Variants in PCNX2 observed in about 807,000 individuals in gnomAD.
PCNX2 encodes the protein pecanex 2.
PCNX2 carries 168 observed loss-of-function variants against 223.8 expected under a neutral mutation model. The observed-to-expected ratio is 0.75, with a 90% confidence interval of 0.66 to 0.85. The LOEUF (loss-of-function observed/expected upper bound fraction) is 0.85, where lower values mean the gene tolerates loss of function less well. Among genes scored for constraint, PCNX2 ranks in the 40% least tolerant of loss-of-function variants. The probability of loss-of-function intolerance (pLI) is 0.00; values close to 1 mark genes in which losing one functional copy is unlikely to be tolerated. For missense variants in PCNX2, 2,507 were observed against 2,675.5 expected, an observed-to-expected ratio of 0.94 and a Z score of 1.39; for synonymous variants, 1,006 against 1,052.6, an observed-to-expected ratio of 0.96 and a Z score of 0.86.
chr1:233,255,915 C>CATGG (rs1659710313), intron 5 of PCNX2, among the ~76,000 whole-genome samples: 1 of 152,200 alleles, frequency 6.6e-6, no homozygotes, highest in Non-Finnish European at 1.5e-5. Context: ...CTCAAAGATA[C>CATGG]ATGGCATCAC....
At chr1:233,080,664 T>A (rs773569429) in intron 23 of PCNX2, among the ~76,000 whole-genome samples, 1 of 152,046 alleles carries the variant, frequency 6.6e-6, no homozygotes, top group Non-Finnish European at 1.5e-5. Flanking sequence ...GGGTCCCTTT[T>A]ATGAGGGCAC....
chr1:233,307,014 A>G, the PCNX2 span, among the ~76,000 whole-genome samples: 3 of 152,238 alleles, frequency 2.0e-5, no homozygotes, highest in Admixed American at 1.3e-4. Context: ...AAATTTGAAG[A>G]TAAAGAATCT....
At chr1:233,263,257 T>TTAGGCAAGATTTC in intron 1 of PCNX2, 94 bp from the exon 2 acceptor site, 1 of 1,033,848 alleles carries the variant, frequency 9.7e-7, no homozygotes, top group Non-Finnish European at 1.3e-6. Context: ...CTATTGAATA[T>TTAGGCAAGATTTC]AAATTAGGCA....
chr1:233,276,570 C>T (rs189517130), intron 1 of PCNX2, among the ~76,000 whole-genome samples: 2 of 152,270 alleles, frequency 1.3e-5, no homozygotes, highest in Non-Finnish European at 2.9e-5. Flanking sequence ...GAAATATGAA[C>T]AACCAAATCA....
chr1:233,186,545 C>T (rs1334612629), intron 15 of PCNX2, among the ~76,000 whole-genome samples: 1 of 152,188 alleles, frequency 6.6e-6, no homozygotes, highest in African/African-American at 2.4e-5. Flanking sequence ...CCTGTAGCAG[C>T]TCTTGTCCAT....
intron 22 of PCNX2, among the ~76,000 whole-genome samples, chr1:233,094,635 T>A (rs888260028): frequency 3.3e-5 from 5 of 152,244 alleles, no homozygotes; most frequent in African/African-American, 1.2e-4. Flanking sequence ...TCAAGGATTA[T>A]CCTAAGTATG....
chr1:233,232,995 C>T (rs940676905), intron 9 of PCNX2: 17 of 985,200 alleles, frequency 1.7e-5, no homozygotes, highest in Non-Finnish European at 4.8e-6. Context: ...GAGACCATAT[C>T]CAGGTGAGAG....
chr1:233,285,914 T>C (rs1281829925), intron 1 of PCNX2, among the ~76,000 whole-genome samples: 2 of 152,260 alleles, frequency 1.3e-5, no homozygotes, highest in African/African-American at 4.8e-5. Context: ...CTTTGTGTCA[T>C]GATCTCCAAG....
intron 9 of PCNX2, chr1:233,233,077 A>C: frequency 4.1e-5 from 39 of 953,766 alleles, no homozygotes; most frequent in Non-Finnish European, 4.5e-5. Flanking sequence ...CCTGCCTCTC[A>C]ACCAGCAGTG....
At chr1:233,292,847 A>G (rs188871470) in intron 1 of PCNX2, among the ~76,000 whole-genome samples, 3 of 152,340 alleles carry the variant, frequency 2.0e-5, no homozygotes, top group East Asian at 3.9e-4. Context: ...AAGTAGCATA[A>G]CAGTAACTGT....
At chr1:233,318,207 G>A in the PCNX2 span, among the ~76,000 whole-genome samples, 2 of 152,098 alleles carry the variant, frequency 1.3e-5, no homozygotes, top group Non-Finnish European at 2.9e-5. Flanking sequence ...CTCTAGAAAT[G>A]GAAAGGTTTG....
rs745847122 is a variant in PCNX2, at chr1:233,177,796, T to C, written c.3273+6A>G. 7.3e-5 allele frequency: 117 copies of C among 1,608,824 alleles called. No individual in the cohort carries two copies. The highest frequency in any genetic ancestry group is 9.9e-5 in the Non-Finnish European group (116 of 1,175,372). ...TATGCTACATTACACAACGCAAATGTCTCACCACTGAATCTTTCATCTTCT... is the reference window on the plus strand; with the variant it reads ...TATGCTACATTACACAACGCAAATGCCTCACCACTGAATCTTTCATCTTCT... On this transcript the variant is annotated splice_donor_region_variant and intron_variant, in intron 17 of 33. Transcript: ENST00000258229.
At chr1:233,153,134 A>C (rs1677917379) in intron 19 of PCNX2, among the ~76,000 whole-genome samples, 1 of 152,218 alleles carries the variant, frequency 6.6e-6, no homozygotes, top group South Asian at 2.1e-4. Flanking sequence ...CTGGAAGACA[A>C]TGGAATAACG....
intron 1 of PCNX2, 52 bp from the exon 2 acceptor site, chr1:233,263,215 C>T: frequency 1.4e-6 from 2 of 1,433,076 alleles, no homozygotes; most frequent in Non-Finnish European, 1.9e-6. Flanking sequence ...GATTTTCTTT[C>T]TGTTTTAAAT....
intron 25 of PCNX2, among the ~76,000 whole-genome samples, chr1:233,030,240 G>A (rs1671218124): frequency 6.6e-6 from 1 of 151,928 alleles, no homozygotes; most frequent in African/African-American, 2.4e-5. Flanking sequence ...TTCAGACATT[G>A]TATTTTTTTC....
chr1:233,174,833 T>G (rs147406643), intron 17 of PCNX2, among the ~76,000 whole-genome samples: 30 of 152,308 alleles, frequency 2.0e-4, no homozygotes, highest in African/African-American at 7.2e-4. Context: ...GTAATGAATT[T>G]TGGTGATAAA....
At chr1:233,316,643 C>T in the PCNX2 span, among the ~76,000 whole-genome samples, 1 of 152,148 alleles carries the variant, frequency 6.6e-6, no homozygotes, top group African/African-American at 2.4e-5. Context: ...AGTCGAAACA[C>T]TCCCTTGTAG....
chr1:233,299,091 C>CT (rs1426285677), upstream of PCNX2, among the ~76,000 whole-genome samples: 3 of 152,098 alleles, frequency 2.0e-5, no homozygotes, highest in African/African-American at 7.2e-5. Flanking sequence ...AATGTGAACT[C>CT]TCTGTCTTCT....
intron 1 of PCNX2, among the ~76,000 whole-genome samples, chr1:233,290,032 G>A (rs1661670154): frequency 6.6e-6 from 1 of 151,974 alleles, no homozygotes; most frequent in African/African-American, 2.4e-5. Context: ...GGGGGGCGGG[G>A]GGAAAGAAGT....
Sources: allele counts gnomAD v4.1 joint callset (sites outside exome capture counted in the v4.1 genomes callset), GRCh38; gene constraint gnomAD v4.1.1; transcripts MANE v1.5; gene names NCBI Gene and HGNC (gene_info 2026-07-23, HGNC 2026-07-21).